The following PCDHGA2 variants were observed in gnomAD, a reference collection of about 807,000 sequenced individuals.
The protein encoded by PCDHGA2 is protocadherin gamma-A2.
In PCDHGA2, 40 loss-of-function variants were observed where a neutral mutation model predicts 59.2. That is an observed-to-expected ratio of 0.68 (90% confidence interval 0.52 to 0.88). PCDHGA2 has a LOEUF of 0.88. Ranked by LOEUF, PCDHGA2 falls within the 40% of genes least tolerant of loss-of-function variation. The pLI is 0.00. For synonymous variants in PCDHGA2, 560 were observed against 526.0 expected (o/e 1.06, Z -0.89); for missense variants, 1,226 against 1,204.0 (o/e 1.02, Z -0.27).
At position 141,371,103 on chromosome 5, in the gene PCDHGA2, G is replaced by T. The variant is rs1232346882; in HGVS notation, c.2424+29708G>T. The stretch of plus-strand genomic sequence containing the variant: ...CAGGGTAATTGTCGCAGATGCAAAT[G>T]ATAACCCCCCAGTATTTACTCAGGA... On this transcript the variant is annotated intron_variant, in intron 1 of 3. Transcript: ENST00000394576. 4 of 1,613,708 alleles carry T rather than the reference G, an allele frequency of 2.5e-6. No individual in the cohort carries two copies. The African/African-American group carries it at 5.3e-5, about 22-fold the overall frequency.
At chr5:141,366,150 G>A in intron 1 of PCDHGA2, 2 of 1,614,136 alleles carry the variant, frequency 1.2e-6, no homozygotes, top group Non-Finnish European at 1.7e-6. Flanking sequence ...CTGTCCTACC[G>A]CCTGCTTAAG....
intron 1 of PCDHGA2, among the ~76,000 whole-genome samples, chr5:141,437,145 T>C (rs191316470): frequency 3.9e-5 from 6 of 152,364 alleles, no homozygotes; most frequent in Admixed American, 3.9e-4. Flanking sequence ...GGATTCATAA[T>C]TAACATATGT....
intron 1 of PCDHGA2, chr5:141,427,787 C>A (rs2097070880): frequency 6.8e-7 from 1 of 1,478,064 alleles, no homozygotes; most frequent in Non-Finnish European, 9.4e-7. Context: ...CACTGTCGTC[C>A]TACGTGTCCG....
In PCDHGA2 at chr5:141,434,915, T is replaced by A. The variant is rs1301814716; in HGVS notation, c.2425-59892T>A. Among the ~76,000 whole-genome samples, 3 of 151,830 alleles carry A rather than the reference T, an allele frequency of 2.0e-5. No homozygotes were observed. The East Asian group carries it at 5.8e-4, about 29-fold the overall frequency. ...GTCCCCTTCCCTCATACCTTATTTATGTACATATATTTTATATAATAGATA... is the reference window on the plus strand; with the variant it reads ...GTCCCCTTCCCTCATACCTTATTTAAGTACATATATTTTATATAATAGATA... On this transcript the variant is annotated intron_variant, in intron 1 of 3. Transcript: ENST00000394576.
At chr5:141,433,377 A>ATCTG (rs1300427377) in intron 1 of PCDHGA2, among the ~76,000 whole-genome samples, 1 of 150,958 alleles carries the variant, frequency 6.6e-6, no homozygotes, top group Non-Finnish European at 1.5e-5. Context: ...CTATCTATCT[A>ATCTG]TCTATCTATC....
chr5:141,417,111 G>A (rs1014827063), intron 1 of PCDHGA2: 13 of 152,012 alleles, frequency 8.6e-5, no homozygotes, highest in African/African-American at 2.7e-4. Context: ...AAGCAATACA[G>A]GACACCCTGG....
chr5:141,384,259 C>T, intron 1 of PCDHGA2: 2 of 1,613,886 alleles, frequency 1.2e-6, no homozygotes, highest in African/African-American at 1.3e-5. Flanking sequence ...CACCTTCCCC[C>T]ACTCATCCTA....
chr5:141,501,162 C>T (rs922957843), intron 2 of PCDHGA2, among the ~76,000 whole-genome samples: 1 of 152,134 alleles, frequency 6.6e-6, no homozygotes, highest in Non-Finnish European at 1.5e-5. Context: ...CCACCATCCC[C>T]AGCCTCATTT....
chr5:141,409,938 C>T (rs754052398), intron 1 of PCDHGA2: 114 of 1,613,200 alleles, frequency 7.1e-5, no homozygotes, highest in Admixed American at 4.3e-4. Flanking sequence ...GATATGGTAC[C>T]TCGCTCTGCA....
intron 1 of PCDHGA2, chr5:141,415,349 A>G (rs921019257): frequency 1.2e-6 from 2 of 1,614,220 alleles, no homozygotes; most frequent in Non-Finnish European, 1.7e-6. Flanking sequence ...CGCTGGCACA[A>G]GTCACGCCTG....
At chr5:141,466,583 C>T (rs2099125595) in intron 1 of PCDHGA2, among the ~76,000 whole-genome samples, 1 of 152,184 alleles carries the variant, frequency 6.6e-6, no homozygotes, top group Admixed American at 6.6e-5. Flanking sequence ...CTCATCCCTT[C>T]TTAAAACAAG....
intron 1 of PCDHGA2, chr5:141,365,322 C>T (rs1344591303): frequency 6.2e-7 from 1 of 1,613,958 alleles, no homozygotes; most frequent in South Asian, 1.1e-5. Flanking sequence ...GTTGCCAGCG[C>T]TAAGGTGGTG....
intron 1 of PCDHGA2, chr5:141,360,796 C>T (rs1267139317): frequency 6.2e-7 from 1 of 1,613,950 alleles, no homozygotes; most frequent in Admixed American, 1.7e-5. Context: ...CGGAGACCCA[C>T]CTCAAAGTGG....
intron 1 of PCDHGA2, among the ~76,000 whole-genome samples, chr5:141,368,493 C>G (rs1765685117): frequency 1.3e-5 from 2 of 152,068 alleles, no homozygotes; most frequent in South Asian, 4.1e-4. Flanking sequence ...AGAATCTATA[C>G]AGTAGGTGTC....
chr5:141,396,829 A>G (rs1216305888), intron 1 of PCDHGA2, among the ~76,000 whole-genome samples: 1 of 152,206 alleles, frequency 6.6e-6, no homozygotes, highest in African/African-American at 2.4e-5. Context: ...GTGCATATTC[A>G]GTGGAGTGGG....
At chr5:141,364,372 G>A in intron 1 of PCDHGA2, 1 of 1,572,570 alleles carries the variant, frequency 6.4e-7, no homozygotes, top group African/African-American at 1.4e-5. Flanking sequence ...GAGAGCTGCT[G>A]CTGCCCTTCA....
At chr5:141,468,415 G>A (rs1040067190) in intron 1 of PCDHGA2, 5 of 151,704 alleles carry the variant, frequency 3.3e-5, no homozygotes, top group Non-Finnish European at 7.4e-5. Context: ...TAATAAGTTA[G>A]ATAGCAAGGT....
In PCDHGA2 at chr5:141,339,555, T is replaced by C; in HGVS notation, c.584T>C (p.Val195Ala). Reference sequence around the variant, plus strand: ...GATGGGAACAAGTACCCAGAACTGGTGCTGGAGCGCTCTCTGGACCGCGAG... The same window carrying C: ...GATGGGAACAAGTACCCAGAACTGGCGCTGGAGCGCTCTCTGGACCGCGAG... Reference protein sequence around the residue: ...GADGNKYPELVLERSLDREEE... With the variant: ...GADGNKYPELALERSLDREEE... Residue 195 changes from valine to alanine, a missense_variant, in exon 1 of 4, where the codon GTG becomes GCG. Physicochemically the swap from Val to Ala is moderately conservative, Grantham distance 64. Coordinates refer to ENST00000394576, the MANE Select transcript of PCDHGA2 (RefSeq NM_018915.4). 2 of 1,614,138 alleles carry C rather than the reference T, an allele frequency of 1.2e-6. No individual in the cohort carries two copies. Among genetic ancestry groups the C allele is most frequent in the Middle Eastern group, 1.6e-4 (1 of 6,062 alleles).
At chr5:141,502,309 T>G (rs1395136136) in intron 2 of PCDHGA2, among the ~76,000 whole-genome samples, 2 of 152,196 alleles carry the variant, frequency 1.3e-5, no homozygotes, top group Admixed American at 6.5e-5. Flanking sequence ...TTTCCTCTCC[T>G]TTAATCTGGA....
Sources: gnomAD v4.1 joint callset for allele counts (sites outside exome capture counted in the v4.1 genomes callset) on GRCh38, gnomAD v4.1.1 for gene constraint, MANE v1.5 for transcripts, NCBI Gene and HGNC (gene_info 2026-07-23, HGNC 2026-07-21) for gene names.